GCLC: variants seen among roughly 807,000 people sequenced by gnomAD.
The protein encoded by GCLC is glutamate-cysteine ligase catalytic subunit, also known as glutamate--cysteine ligase catalytic subunit.
In GCLC, 30 loss-of-function variants were observed where a neutral mutation model predicts 81.5. The observed-to-expected ratio is 0.37, with a 90% confidence interval of 0.28 to 0.50. The LOEUF (loss-of-function observed/expected upper bound fraction) is 0.50. Ranked by LOEUF, GCLC falls within the 20% of genes least tolerant of loss-of-function variation. The pLI is 0.96. For missense variants in GCLC, 556 were observed against 777.4 expected (o/e 0.72, Z 3.39); for synonymous variants, 262 against 273.3 (o/e 0.96, Z 0.41).
At chr6:53,526,834 T>G (rs1291413058) in intron 1 of GCLC, among the ~76,000 whole-genome samples, 2 of 150,448 alleles carry the variant, frequency 1.3e-5, no homozygotes, top group African/African-American at 4.9e-5. Context: ...GAGGAATGGC[T>G]GGGTATTTTA....
chr6:53,498,680 T>C lies in GCLC; in HGVS notation c.*76A>G, dbSNP rs141025511. On this transcript the variant is annotated 3_prime_UTR_variant, in exon 16 of 16. Transcript: ENST00000650454. Reference sequence around the variant, plus strand: ...CAGTTCTATCATTTGGTCTTCATATTATACACACGGGCTGGCTGAGAGGCA... The same window carrying C: ...CAGTTCTATCATTTGGTCTTCATATCATACACACGGGCTGGCTGAGAGGCA... The C allele has an allele frequency of 1.0e-5, 9 of 892,434 alleles. No individual in the cohort carries two copies. The highest frequency in any genetic ancestry group is 1.6e-5 in the Non-Finnish European group (9 of 553,006). 55.3% of individuals were successfully genotyped at this position (892,434 alleles called of 1,614,324 possible). A position where few individuals can be genotyped will look rare whatever the true frequency, so the allele number is the denominator to read the frequency against.
intron 6 of GCLC, among the ~76,000 whole-genome samples, chr6:53,510,965 C>T (rs1001670935): frequency 6.6e-6 from 1 of 152,110 alleles, no homozygotes; most frequent in Non-Finnish European, 1.5e-5. Flanking sequence ...GATAACCAAA[C>T]CAAGGGCAGT....
intron 15 of GCLC, 145 bp downstream of exon 15, chr6:53,499,900 A>C: frequency 1.5e-6 from 1 of 671,470 alleles, no homozygotes. Flanking sequence ...CAAAGATTAT[A>C]AGGTGAATAC....
chr6:53,499,366 T>A (rs1296522403), intron 15 of GCLC, among the ~76,000 whole-genome samples: 1 of 152,166 alleles, frequency 6.6e-6, no homozygotes, highest in African/African-American at 2.4e-5. Context: ...TTGAGCGATC[T>A]TTGATCAAAG....
At chr6:53,511,753 T>C (rs2300420) in intron 6 of GCLC, among the ~76,000 whole-genome samples, 29,249 of 142,334 alleles carry the variant, frequency 0.21, 4,412 homozygotes, top group East Asian at 0.47. Context: ...TTTTGAGGCA[T>C]CATATGAAGG....
At chr6:53,510,396 G>T (rs544168128) in intron 6 of GCLC, 1 of 149,940 alleles carries the variant, frequency 6.7e-6, no homozygotes, top group African/African-American at 2.5e-5. Flanking sequence ...GTTAGGCAGA[G>T]AAAAGATCAT....
chr6:53,531,319 A>T (rs1249864571), intron 1 of GCLC, among the ~76,000 whole-genome samples: 1 of 152,190 alleles, frequency 6.6e-6, no homozygotes, highest in Non-Finnish European at 1.5e-5. Flanking sequence ...TATGTCACTC[A>T]TGGGAAGGGA....
chr6:53,509,687 C>T (rs1379957293), intron 6 of GCLC: 3 of 224,362 alleles, frequency 1.3e-5, no homozygotes, highest in African/African-American at 2.3e-5. Flanking sequence ...CTCACTCTGT[C>T]GCCCAGGCTG....
At chr6:53,519,660 C>T (rs950811085) in intron 3 of GCLC, among the ~76,000 whole-genome samples, 2 of 152,256 alleles carry the variant, frequency 1.3e-5, no homozygotes, top group African/African-American at 4.8e-5. Context: ...TTTTTCACCT[C>T]CTCTTTCAAA....
intron 12 of GCLC, among the ~76,000 whole-genome samples, chr6:53,501,851 T>G (rs1764519967): frequency 6.6e-6 from 1 of 152,232 alleles, no homozygotes; most frequent in Non-Finnish European, 1.5e-5. Flanking sequence ...TTTGATGACT[T>G]CCTTTCAAAG....
At chr6:53,505,982 A>C in intron 10 of GCLC, 87 bp from the exon 11 acceptor site, 1 of 799,084 alleles carries the variant, frequency 1.3e-6, no homozygotes, top group South Asian at 1.4e-5. Context: ...AAGGAAGAAG[A>C]CTGCTCACTG....
rs1764616985 is a variant in GCLC, at chr6:53,506,490, T to C, written c.1197+423A>G. ...TAGATGGTATTTCAAAAGGTATATA[T>C]GTCAATGTCTACATATAACATGACA... On this transcript the variant is annotated intron_variant, in intron 10 of 15. Coordinates refer to ENST00000650454, the MANE Select transcript of GCLC (RefSeq NM_001498.4). This position sits in a 1 kb window ranked among gnomAD's most constrained non-coding sequence, Gnocchi z 4.0. The C allele has an allele frequency of 8.3e-6, 2 of 240,578 alleles. No individual in the cohort carries two copies. The highest frequency in any genetic ancestry group is 1.0e-4 in the Admixed American group (2 of 19,106). The allele number at this position is 240,578 out of a possible 1,614,324, so 14.9% of individuals were successfully genotyped here.
chr6:53,509,532 C>A, intron 6 of GCLC: 1 of 525,344 alleles, frequency 1.9e-6, no homozygotes, highest in Non-Finnish European at 3.4e-6. Context: ...AAGACACAGA[C>A]ATACGATGAT....
chr6:53,498,053 T>C lies in GCLC; in HGVS notation c.*703A>G, dbSNP rs1448333998. On this transcript the variant is annotated 3_prime_UTR_variant, in exon 16 of 16. Coordinates refer to ENST00000650454, the MANE Select transcript of GCLC (RefSeq NM_001498.4). ...ATCACTACATGTGAATTCTGGGTAA[T>C]AATCTCCTTTCTTTCTATAGAGTTG... 1 of 152,290 alleles carries C rather than the reference T, an allele frequency of 6.6e-6. No individual in the cohort carries two copies. Among genetic ancestry groups the C allele is most frequent in the African/African-American group, 2.4e-5 (1 of 41,370 alleles). The allele number at this position is 152,290 out of a possible 1,614,324, so 9.4% of individuals were successfully genotyped here.
At chr6:53,532,946 T>C (rs1320963360) in intron 1 of GCLC, among the ~76,000 whole-genome samples, 2 of 152,070 alleles carry the variant, frequency 1.3e-5, no homozygotes, top group Non-Finnish European at 2.9e-5. Flanking sequence ...TCCATCAGAG[T>C]AGAACCTTAG....
intron 1 of GCLC, among the ~76,000 whole-genome samples, chr6:53,542,624 C>T (rs1306280309): frequency 6.6e-6 from 1 of 152,156 alleles, no homozygotes; most frequent in African/African-American, 2.4e-5. Flanking sequence ...TGAGCTCCAA[C>T]TGTGCTGCAA....
chr6:53,520,689 G>T, intron 3 of GCLC, 89 bp downstream of exon 3: 7 of 1,024,708 alleles, frequency 6.8e-6, no homozygotes, highest in South Asian at 1.3e-5. Flanking sequence ...TATGAGGATT[G>T]TAAGGTGGAA....
chr6:53,522,695 G>A (rs1763020113), intron 1 of GCLC, 168 bp from the exon 2 acceptor site: 1 of 570,354 alleles, frequency 1.8e-6, no homozygotes, highest in Admixed American at 2.7e-5. Context: ...TGCATAATAT[G>A]GAAACCTGTA....
chr6:53,540,534 G>A (rs963814233), intron 1 of GCLC, among the ~76,000 whole-genome samples: 4 of 152,070 alleles, frequency 2.6e-5, no homozygotes, highest in Admixed American at 6.6e-5. Flanking sequence ...ACTGCTAATC[G>A]GTGAGCATGG....
Sources: gnomAD v4.1 joint callset for allele counts (sites outside exome capture counted in the v4.1 genomes callset) on GRCh38, gnomAD v4.1.1 for gene constraint, Gnocchi (gnomAD v3.1) non-coding constraint, MANE v1.5 for transcripts, NCBI Gene and HGNC (gene_info 2026-07-23, HGNC 2026-07-21) for gene names.